DAPK1: variants seen among roughly 807,000 people sequenced by gnomAD.
DAPK1 encodes the protein death associated protein kinase 1.
In DAPK1, 56 loss-of-function variants were observed where a neutral mutation model predicts 144.9. The ratio of observed to expected loss-of-function variants is 0.39; its 90% CI spans 0.31 to 0.48. DAPK1 has a LOEUF of 0.48. Among genes scored for constraint, DAPK1 ranks in the 20% least tolerant of loss-of-function variants. The probability of loss-of-function intolerance (pLI) is 0.95; values close to 1 mark genes in which losing one functional copy is unlikely to be tolerated. For synonymous variants in DAPK1, 690 were observed against 749.0 expected (o/e 0.92, Z 1.29); for missense variants, 1,454 against 1,875.4 (o/e 0.78, Z 4.15).
At chr9:87,689,210 A>G (rs1277480333) in intron 21 of DAPK1, among the ~76,000 whole-genome samples, 1 of 151,736 alleles carries the variant, frequency 6.6e-6, no homozygotes, top group Non-Finnish European at 1.5e-5. Flanking sequence ...TCCATTACTT[A>G]TTTTTGTCAA....
chr9:87,656,291 T>C (rs1830625191), intron 17 of DAPK1, among the ~76,000 whole-genome samples: 1 of 151,944 alleles, frequency 6.6e-6, no homozygotes, highest in Admixed American at 6.6e-5. Flanking sequence ...AGACGTTGGG[T>C]CCAGGTGTGG....
intron 2 of DAPK1, among the ~76,000 whole-genome samples, chr9:87,558,496 A>G (rs1216966467): frequency 2.0e-5 from 2 of 99,048 alleles, no homozygotes; most frequent in Non-Finnish European, 3.9e-5. Flanking sequence ...CTCCACATAC[A>G]TAAGTACACA....
chr9:87,643,252 A>T, intron 10 of DAPK1, 124 bp from the exon 11 acceptor site: 1 of 604,856 alleles, frequency 1.7e-6, no homozygotes, highest in Admixed American at 3.0e-5. Context: ...AGCAATGAAC[A>T]CGATCTCGCA....
chr9:87,549,902 G>A (rs574944231), intron 2 of DAPK1, among the ~76,000 whole-genome samples: 3 of 151,956 alleles, frequency 2.0e-5, no homozygotes, highest in Non-Finnish European at 4.4e-5. Flanking sequence ...CCTCTGTCAC[G>A]CCATCTTCAT....
At chr9:87,611,465 G>A (rs1828925498) in intron 3 of DAPK1, among the ~76,000 whole-genome samples, 1 of 152,022 alleles carries the variant, frequency 6.6e-6, no homozygotes, top group Non-Finnish European at 1.5e-5. Flanking sequence ...TTGACTTTTT[G>A]GTTTTTTTCT....
intron 19 of DAPK1, among the ~76,000 whole-genome samples, chr9:87,675,287 T>C (rs1824322227): frequency 6.6e-6 from 1 of 151,798 alleles, no homozygotes; most frequent in African/African-American, 2.4e-5. Flanking sequence ...TGGAGTCTAC[T>C]TTCACCTGGC....
chr9:87,703,601 A>C (rs1825533611), intron 25 of DAPK1, among the ~76,000 whole-genome samples: 1 of 152,162 alleles, frequency 6.6e-6, no homozygotes, highest in South Asian at 2.1e-4. Context: ...TCAGCTCCAC[A>C]CAGATCTCCT....
intron 2 of DAPK1, among the ~76,000 whole-genome samples, chr9:87,575,382 A>G (rs1266551693): frequency 6.6e-6 from 1 of 152,182 alleles, no homozygotes; most frequent in Non-Finnish European, 1.5e-5. Context: ...CACAATAACA[A>G]TCACAGCAGG....
Position 87,521,239 on chromosome 9 carries a change from C to T in DAPK1, c.62+22100C>T, listed in dbSNP as rs1037132830. Among the ~76,000 whole-genome samples, 179 of 152,178 alleles carry T rather than the reference C, an allele frequency of 1.2e-3. 2 individuals carry two copies. The highest frequency in any genetic ancestry group is 2.6e-4 in the Non-Finnish European group (18 of 68,030). The stretch of plus-strand genomic sequence containing the variant: ...GGGTGTCTGTGTTTAGCAACCAGGT[C>T]ATGAAATTCCTGAAAAATGAACAGT... On this transcript the variant is annotated intron_variant, in intron 2 of 25. Transcript: ENST00000408954.
intron 19 of DAPK1, among the ~76,000 whole-genome samples, chr9:87,676,729 T>C (rs892166104): frequency 2.0e-5 from 3 of 152,158 alleles, no homozygotes; most frequent in Non-Finnish European, 2.9e-5. Flanking sequence ...CAAGGACAGG[T>C]GCACTCCAAT....
At chr9:87,688,559 G>A (rs992621132) in intron 21 of DAPK1, among the ~76,000 whole-genome samples, 7 of 151,982 alleles carry the variant, frequency 4.6e-5, no homozygotes, top group Admixed American at 6.5e-5. Flanking sequence ...ACAACGTATA[G>A]GTGTTCTCTT....
chr9:87,554,620 C>T (rs1826631077), intron 2 of DAPK1, among the ~76,000 whole-genome samples: 1 of 152,182 alleles, frequency 6.6e-6, no homozygotes, highest in South Asian at 2.1e-4. Flanking sequence ...ACTTAGGGCG[C>T]TCATGTAGAT....
chr9:87,632,162 A>G, intron 3 of DAPK1: 1 of 835,586 alleles, frequency 1.2e-6, no homozygotes, highest in Non-Finnish European at 1.4e-6. Flanking sequence ...GTATGTATGT[A>G]GAGATGAAGG....
At chr9:87,703,240 A>AG in intron 25 of DAPK1, 23 bp downstream of exon 25, 3 of 1,505,720 alleles carry the variant, frequency 2.0e-6, no homozygotes, top group Non-Finnish European at 2.8e-6. Flanking sequence ...GAGCCCAGGC[A>AG]GGGGGCCGTG....
At chr9:87,505,683 C>T (rs1360398531) in intron 2 of DAPK1, among the ~76,000 whole-genome samples, 1 of 150,712 alleles carries the variant, frequency 6.6e-6, no homozygotes, top group Admixed American at 6.6e-5. Flanking sequence ...GCATGAATCA[C>T]TGTGCCTGGC....
At position 87,618,464 on chromosome 9, in the gene DAPK1, A is replaced by G. The variant is rs78263414; in HGVS notation, c.284+13289A>G. 9.9e-5 allele frequency among the ~76,000 whole-genome samples: 15 copies of G among 152,174 alleles called. No homozygotes were observed. In the East Asian group the frequency reaches 2.3e-3, roughly 23 times the overall value. Reference sequence around the variant, plus strand: ...AAGAGACATGAAAATATATTTCCACATGAAAACTTACACATGAAAGTGGTA... The same window carrying G: ...AAGAGACATGAAAATATATTTCCACGTGAAAACTTACACATGAAAGTGGTA... On this transcript the variant is annotated intron_variant, in intron 3 of 25. Transcript: ENST00000408954.
In DAPK1 at chr9:87,632,904, G is replaced by GTATATA. The variant is rs139806970; in HGVS notation, c.285-5026_285-5021dup. Reference sequence around the variant, plus strand: ...TACATGTAGGGATGAAGGAGGATGAGTATATATATATATATATAAATGAAG... The same window carrying GTATATA: ...TACATGTAGGGATGAAGGAGGATGAGTATATATATATATATATATATATAAATGAAG... On this transcript the variant is annotated intron_variant, in intron 3 of 25. Coordinates refer to ENST00000408954, the MANE Select transcript of DAPK1 (RefSeq NM_004938.4). 3,225 of 804,752 alleles carry GTATATA rather than the reference G, an allele frequency of 4.0e-3. 73 individuals are homozygous for GTATATA. The African/African-American group carries it at 0.052, about 13-fold the overall frequency. The allele number at this position is 804,752 out of a possible 1,614,324, so 49.9% of individuals were successfully genotyped here.
intron 21 of DAPK1, among the ~76,000 whole-genome samples, chr9:87,694,696 A>G (rs1053094767): frequency 2.6e-5 from 4 of 152,138 alleles, no homozygotes; most frequent in African/African-American, 7.2e-5. Flanking sequence ...GTCTCTGTCA[A>G]TGGGTTATGC....
intron 19 of DAPK1, among the ~76,000 whole-genome samples, chr9:87,675,848 TAC>T (rs763359644): frequency 0.077 from 9,048 of 117,204 alleles, 398 homozygotes; most frequent in East Asian, 0.17. Flanking sequence ...CATTCTACCC[TAC>T]ACACACACAC....
Sources: allele counts gnomAD v4.1 joint callset (sites outside exome capture counted in the v4.1 genomes callset), GRCh38; gene constraint gnomAD v4.1.1; transcripts MANE v1.5; gene names NCBI Gene and HGNC (gene_info 2026-07-23, HGNC 2026-07-21).